The following RNF150 variants were observed in gnomAD, a reference collection of about 807,000 sequenced individuals.
RNF150 encodes ring finger protein 150.
Under a neutral mutation model 39.3 loss-of-function variants are expected in RNF150, and 24 were observed. The observed-to-expected ratio is 0.61, with a 90% confidence interval of 0.44 to 0.86. The LOEUF (loss-of-function observed/expected upper bound fraction) is 0.86. Ranked by LOEUF, RNF150 falls within the 40% of genes least tolerant of loss-of-function variation. The pLI is 0.00. For synonymous variants in RNF150, 255 were observed against 227.3 expected, an observed-to-expected ratio of 1.12 and a Z score of -1.10; for missense variants, 502 against 587.8, an observed-to-expected ratio of 0.85 and a Z score of 1.51.
chr4:141,186,465 C>G (rs1728014349), intron 1 of RNF150, among the ~76,000 whole-genome samples: 1 of 152,144 alleles, frequency 6.6e-6, no homozygotes. Context: ...GTGGCACGAT[C>G]TCGGCTCACT....
intron 1 of RNF150, among the ~76,000 whole-genome samples, chr4:141,043,252 A>G (rs1389333516): frequency 4.6e-5 from 7 of 152,094 alleles, no homozygotes; most frequent in East Asian, 1.9e-4. Context: ...GACATACAAA[A>G]TATGGTACGT....
intron 1 of RNF150, among the ~76,000 whole-genome samples, chr4:140,972,493 A>G (rs1334515008): frequency 6.6e-6 from 1 of 152,200 alleles, no homozygotes; most frequent in Non-Finnish European, 1.5e-5. Flanking sequence ...GCATACAATT[A>G]TATTACATAG....
At chr4:141,181,911 T>G (rs956004251) in intron 1 of RNF150, among the ~76,000 whole-genome samples, 5 of 152,184 alleles carry the variant, frequency 3.3e-5, no homozygotes, top group African/African-American at 1.2e-4. Flanking sequence ...TGAATTGGGA[T>G]GTACCTTGAC....
chr4:140,934,285 A>G (rs1202398811), intron 4 of RNF150, among the ~76,000 whole-genome samples: 1 of 152,220 alleles, frequency 6.6e-6, no homozygotes, highest in African/African-American at 2.4e-5. Flanking sequence ...CTGGAATTAC[A>G]GGTGTGAGCT....
intron 1 of RNF150, among the ~76,000 whole-genome samples, chr4:141,208,615 T>C (rs13112869): frequency 1.3e-5 from 2 of 152,074 alleles, no homozygotes; most frequent in African/African-American, 4.8e-5. Flanking sequence ...ATGGAAAGTC[T>C]ATTGAGGTTA....
chr4:141,209,061 C>T (rs915646575), intron 1 of RNF150, among the ~76,000 whole-genome samples: 3 of 151,822 alleles, frequency 2.0e-5, no homozygotes, highest in Non-Finnish European at 2.9e-5. Context: ...AGACACCTTA[C>T]CTCAATCCTC....
intron 1 of RNF150, among the ~76,000 whole-genome samples, chr4:140,986,151 T>G (rs1466931078): frequency 6.6e-6 from 1 of 152,092 alleles, no homozygotes. Context: ...GGAAAGTGAT[T>G]TAAGAAACAA....
At chr4:141,186,614 C>T (rs1221541700) in intron 1 of RNF150, among the ~76,000 whole-genome samples, 2 of 151,798 alleles carry the variant, frequency 1.3e-5, no homozygotes, top group Non-Finnish European at 2.9e-5. Flanking sequence ...ACCATGTTAG[C>T]CAGGATGGTC....
At chr4:141,196,522 C>T (rs1271576333) in intron 1 of RNF150, among the ~76,000 whole-genome samples, 2 of 152,112 alleles carry the variant, frequency 1.3e-5, no homozygotes, top group Admixed American at 6.5e-5. Flanking sequence ...TTTGGGTTTG[C>T]CTTTGATTTT....
rs185321575 is a variant in RNF150, at chr4:141,117,104, C to A, written c.484+15221G>T. ...GGCACGTGTATACCTATGTAACAAA[C>A]CTGCATGTTCTGCACATGTATCCCA... On this transcript the variant is annotated intron_variant, in intron 1 of 6. Transcript: ENST00000515673. 5.8e-3 allele frequency among the ~76,000 whole-genome samples: 880 copies of A among 152,120 alleles called. 5 individuals carry two copies. Among genetic ancestry groups the A allele is most frequent in the Middle Eastern group, 0.017 (5 of 294 alleles).
rs147331625 is a variant in RNF150, at chr4:140,984,549, C to T, written c.485-16676G>A. The stretch of plus-strand genomic sequence containing the variant: ...AAAGGTCTGAAACATACCTTCCTGT[C>T]CTTTGTTTGATACAGTCTACACTGT... On this transcript the variant is annotated intron_variant, in intron 1 of 6. Coordinates refer to ENST00000515673, the MANE Select transcript of RNF150 (RefSeq NM_020724.2). 7.5e-3 allele frequency among the ~76,000 whole-genome samples: 1,144 copies of T among 152,218 alleles called. 14 individuals carry two copies. The highest frequency in any genetic ancestry group is 0.01 in the Non-Finnish European group (704 of 67,998).
chr4:141,078,367 T>C (rs1578703083), intron 1 of RNF150, among the ~76,000 whole-genome samples: 1 of 151,700 alleles, frequency 6.6e-6, no homozygotes. Context: ...GGGGGAGGAG[T>C]GGGGCTCCAT....
intron 1 of RNF150, among the ~76,000 whole-genome samples, chr4:140,999,118 T>G (rs1193392910): frequency 2.0e-5 from 3 of 152,058 alleles, no homozygotes; most frequent in Admixed American, 6.5e-5. Flanking sequence ...ACTCTGAAAA[T>G]CCACATTTTA....
chr4:141,114,091 T>G (rs1301739736), intron 1 of RNF150, among the ~76,000 whole-genome samples: 1 of 151,828 alleles, frequency 6.6e-6, no homozygotes, highest in African/African-American at 2.4e-5. Flanking sequence ...AAATCACAAT[T>G]AAAAGAATTA....
intron 1 of RNF150, among the ~76,000 whole-genome samples, chr4:141,095,404 G>A (rs1460620176): frequency 1.3e-5 from 2 of 152,074 alleles, no homozygotes; most frequent in Non-Finnish European, 2.9e-5. Flanking sequence ...CTCATAAGGA[G>A]CAAAAGCCTT....
intron 4 of RNF150, among the ~76,000 whole-genome samples, chr4:140,941,154 A>C (rs1732068820): frequency 6.6e-6 from 1 of 152,238 alleles, no homozygotes; most frequent in Non-Finnish European, 1.5e-5. Context: ...TAGGCCACAA[A>C]TTTGGCTCTT....
At chr4:140,935,578 T>G (rs1731833379) in intron 4 of RNF150, among the ~76,000 whole-genome samples, 1 of 152,212 alleles carries the variant, frequency 6.6e-6, no homozygotes, top group Admixed American at 6.5e-5. Context: ...ATCTCTTTCA[T>G]GTTCCCTTCC....
chr4:141,054,423 T>G (rs908456933), intron 1 of RNF150, among the ~76,000 whole-genome samples: 1 of 152,114 alleles, frequency 6.6e-6, no homozygotes, highest in Non-Finnish European at 1.5e-5. Flanking sequence ...TTATTCTCCC[T>G]TAGCCCATAT....
intron 6 of RNF150, among the ~76,000 whole-genome samples, chr4:140,872,656 GATGGACTAGCCA>G (rs1728993081): frequency 1.3e-5 from 2 of 152,220 alleles, no homozygotes; most frequent in South Asian, 4.1e-4. Context: ...TACAGGAAAT[GATGGACTAGCCA>G]AGGGCAGTAA....
Sources: gnomAD v4.1 joint callset for allele counts (sites outside exome capture counted in the v4.1 genomes callset) on GRCh38, gnomAD v4.1.1 for gene constraint, MANE v1.5 for transcripts, NCBI Gene and HGNC (gene_info 2026-07-23, HGNC 2026-07-21) for gene names.